Variants in JAK1 observed in about 807,000 individuals in gnomAD.
JAK1 encodes the protein tyrosine-protein kinase JAK1.
A neutral mutation model predicts 136.6 loss-of-function variants in JAK1; 16 were observed. The ratio of observed to expected loss-of-function variants is 0.12; its 90% CI spans 0.08 to 0.18. The LOEUF is 0.18. JAK1 is among the 10% of genes least tolerant of loss of function. The probability of loss-of-function intolerance (pLI) is 1.00; values close to 1 mark genes in which losing one functional copy is unlikely to be tolerated. For synonymous variants in JAK1, 492 were observed against 519.5 expected (o/e 0.95, Z 0.72); for missense variants, 859 against 1,450.1 (o/e 0.59, Z 6.62).
At chr1:65,006,169 A>G (rs1056673995) in intron 2 of JAK1, among the ~76,000 whole-genome samples, 6 of 152,200 alleles carry the variant, frequency 3.9e-5, no homozygotes, top group African/African-American at 1.4e-4. Context: ...GGTAAACTCA[A>G]ATTGTATTTG....
At chr1:64,871,580 C>G (rs890548483) in intron 5 of JAK1, among the ~76,000 whole-genome samples, 1 of 152,210 alleles carries the variant, frequency 6.6e-6, no homozygotes, top group Non-Finnish European at 1.5e-5. Flanking sequence ...CCCTCTTCCC[C>G]CAAGACCTTC....
chr1:64,838,368 A>G, intron 21 of JAK1, 97 bp downstream of exon 21: 1 of 1,279,148 alleles, frequency 7.8e-7, no homozygotes, highest in Non-Finnish European at 1.1e-6. Flanking sequence ...CAGTATAATT[A>G]TCATAAACTT....
At chr1:65,035,471 A>G (rs1647064598) in intron 2 of JAK1, among the ~76,000 whole-genome samples, 1 of 152,238 alleles carries the variant, frequency 6.6e-6, no homozygotes, top group Non-Finnish European at 1.5e-5. Flanking sequence ...CTTGACCTTC[A>G]GTGCTGACTC....
intron 1 of JAK1, among the ~76,000 whole-genome samples, chr1:64,933,586 C>T (rs181134594): frequency 1.3e-5 from 2 of 152,222 alleles, no homozygotes; most frequent in African/African-American, 4.8e-5. Flanking sequence ...CATGGGCTGA[C>T]GCCTGCTCTT....
At chr1:64,872,575 C>T (rs1349356843) in intron 5 of JAK1, among the ~76,000 whole-genome samples, 2 of 152,176 alleles carry the variant, frequency 1.3e-5, no homozygotes, top group Admixed American at 1.3e-4. Context: ...CTGATGCATG[C>T]AGAGGCCATG....
chr1:65,067,559 G>A (rs899887242), intron 1 of JAK1: 32 of 144,746 alleles, frequency 2.2e-4, no homozygotes, highest in African/African-American at 7.0e-4. Flanking sequence ...GCTCGGCCCC[G>A]CGCGCCCCGC....
intron 6 of JAK1, 128 bp from the exon 7 acceptor site, chr1:64,867,336 G>T: frequency 1.6e-6 from 1 of 640,932 alleles, no homozygotes; most frequent in Non-Finnish European, 2.7e-6. Context: ...CCCAGAGGAC[G>T]TTAGATGGAG....
intron 2 of JAK1, chr1:64,972,770 T>TA (rs1646463232): frequency 6.6e-6 from 1 of 151,334 alleles, no homozygotes; most frequent in Non-Finnish European, 1.5e-5. Flanking sequence ...GCCTGAGTGA[T>TA]AGAGTGAGAC....
intron 2 of JAK1, among the ~76,000 whole-genome samples, chr1:65,043,965 A>T: frequency 6.6e-6 from 1 of 151,680 alleles, no homozygotes; most frequent in Non-Finnish European, 1.5e-5. Flanking sequence ...CAAGTGATCC[A>T]CCCGCCTTGG....
At chr1:64,962,915 C>T (rs1003317633) in intron 1 of JAK1, among the ~76,000 whole-genome samples, 2 of 152,056 alleles carry the variant, frequency 1.3e-5, no homozygotes, top group Middle Eastern at 3.4e-3. Context: ...TAAAAAACAA[C>T]ACAAAAATTA....
chr1:64,836,566 G>C (rs144147838), intron 22 of JAK1, among the ~76,000 whole-genome samples: 2 of 152,202 alleles, frequency 1.3e-5, no homozygotes, highest in East Asian at 3.9e-4. Flanking sequence ...GACAGCAGTG[G>C]CCTCACTGCA....
intron 1 of JAK1, among the ~76,000 whole-genome samples, chr1:64,920,374 T>C (rs1236664560): frequency 2.6e-5 from 4 of 152,064 alleles, no homozygotes; most frequent in Admixed American, 1.3e-4. Context: ...ACCTCATCTC[T>C]ACATAAAACA....
chr1:64,934,553 G>A (rs1361601544), intron 1 of JAK1, among the ~76,000 whole-genome samples: 2 of 152,180 alleles, frequency 1.3e-5, no homozygotes, highest in Non-Finnish European at 2.9e-5. Context: ...CGAGAAGCTC[G>A]GGTTGTGGAC....
chr1:64,931,143 A>G (rs752678948), intron 1 of JAK1, among the ~76,000 whole-genome samples: 1 of 152,198 alleles, frequency 6.6e-6, no homozygotes, highest in African/African-American at 2.4e-5. Context: ...AACTTAATGT[A>G]TAATAAAAAA....
At chr1:65,011,851 G>A (rs1646852100) in intron 2 of JAK1, among the ~76,000 whole-genome samples, 2 of 152,172 alleles carry the variant, frequency 1.3e-5, no homozygotes, top group African/African-American at 4.8e-5. Context: ...AGGGAAGGAA[G>A]GTGTTTCAGA....
intron 2 of JAK1, among the ~76,000 whole-genome samples, chr1:65,001,105 G>A (rs1646752037): frequency 6.6e-6 from 1 of 152,150 alleles, no homozygotes; most frequent in Non-Finnish European, 1.5e-5. Context: ...AAAAACAGCT[G>A]CTCTAGTTGG....
chr1:64,920,451 C>T (rs1175986185), intron 1 of JAK1, among the ~76,000 whole-genome samples: 11 of 152,050 alleles, frequency 7.2e-5, no homozygotes, highest in Admixed American at 2.0e-4. Flanking sequence ...GAGAACTACA[C>T]GAGAATTGCT....
intron 1 of JAK1, among the ~76,000 whole-genome samples, chr1:64,934,373 G>A (rs1645750785): frequency 6.6e-6 from 1 of 152,206 alleles, no homozygotes; most frequent in African/African-American, 2.4e-5. Context: ...GAAGGCTGGA[G>A]GCAGCCACAC....
Position 64,983,351 on chromosome 1 carries a change from T to C in JAK1, c.-78+61129A>G, listed in dbSNP as rs569054229. Among the ~76,000 whole-genome samples the C allele has an allele frequency of 5.3e-5, 8 of 152,096 alleles. No individual in the cohort carries two copies. In the East Asian group the frequency reaches 1.5e-3, roughly 29 times the overall value. On this transcript the variant is annotated intron_variant, in intron 2 of 25. Coordinates refer to the JAK1 transcript ENST00000671954. ...ACCACGGTGGTCATGGTAACAGACA[T>C]AGACAAGCATGCCGTGACCCTGAAG...
Sources: gnomAD v4.1 joint callset for allele counts (sites outside exome capture counted in the v4.1 genomes callset) on GRCh38, gnomAD v4.1.1 for gene constraint, MANE v1.5 for transcripts, NCBI Gene and HGNC (gene_info 2026-07-23, HGNC 2026-07-21) for gene names.